The following ZMYM6 variants were observed in gnomAD, a reference collection of about 807,000 sequenced individuals.
The protein encoded by ZMYM6 is zinc finger MYM-type protein 6.
A neutral mutation model predicts 134.0 loss-of-function variants in ZMYM6; 90 were observed. That is an observed-to-expected ratio of 0.67 (90% CI 0.57 to 0.80). The LOEUF (loss-of-function observed/expected upper bound fraction) is 0.80, where lower values mean the gene tolerates loss of function less well. Ranked by LOEUF, ZMYM6 falls within the 30% of genes least tolerant of loss-of-function variation. The probability of loss-of-function intolerance (pLI) is 0.00; values close to 1 mark genes in which losing one functional copy is unlikely to be tolerated. For missense variants in ZMYM6, 1,362 were observed against 1,533.9 expected, an observed-to-expected ratio of 0.89 and a Z score of 1.87; for synonymous variants, 481 against 524.1, an observed-to-expected ratio of 0.92 and a Z score of 1.12.
At chr1:35,012,942 AAG>A (rs1191243985) in intron 6 of ZMYM6, 29 of 985,086 alleles carry the variant, frequency 2.9e-5, no homozygotes, top group Middle Eastern at 5.2e-4. Context: ...ATCAATCTAG[AAG>A]AGTCTACCAC....
In ZMYM6 at chr1:35,019,530, G is replaced by A. The variant is rs754817164; in HGVS notation, c.251C>T (p.Pro84Leu). Residue 84 changes from proline (P) to leucine (L), a missense_variant, in exon 4 of 16, where the codon CCA becomes CTA. Around this residue, in one of 3 missense-constraint regions of ZMYM6, gnomAD observed 503 missense variants for 520.8 expected, o/e 0.97. Transcript: ENST00000357182. ...SGPSVLLPSV[P>L]AVAIKVFCSG... ...ACAAAAAACCTTAATAGCAACAGCT[G>A]GAACTGAAGGAAGCAACACACTTGG... 2.5e-6 allele frequency: 4 copies of A among 1,614,008 alleles called. No individual in the cohort carries two copies. The highest frequency in any genetic ancestry group is 2.5e-6 in the Non-Finnish European group (3 of 1,180,030).
At position 35,020,118 on chromosome 1, in the gene ZMYM6, T is replaced by G. The variant is rs190239365; in HGVS notation, c.178+265A>C. On this transcript the variant is annotated intron_variant, in intron 3 of 15. Coordinates refer to ENST00000357182, the MANE Select transcript of ZMYM6 (RefSeq NM_007167.4). ...TTATAACCCAGTTCTCACATACATA[T>G]GTTTGTAAACGTGGGGATGTATGTA... 4.1e-3 allele frequency among the ~76,000 whole-genome samples: 632 copies of G among 152,300 alleles called. 2 individuals are homozygous for G. Among genetic ancestry groups the G allele is most frequent in the Non-Finnish European group, 6.9e-3 (470 of 68,018 alleles).
intron 10 of ZMYM6, 96 bp from the exon 11 acceptor site, chr1:35,009,020 T>G: frequency 8.7e-6 from 11 of 1,262,934 alleles, no homozygotes; most frequent in Non-Finnish European, 1.2e-5. Context: ...AACTTTAAGC[T>G]AATTTCTAAT....
At chr1:35,000,714 A>G (rs541240498) in intron 14 of ZMYM6, among the ~76,000 whole-genome samples, 1 of 152,304 alleles carries the variant, frequency 6.6e-6, no homozygotes, top group African/African-American at 2.4e-5. Flanking sequence ...AATATTTTCC[A>G]TTTAATATTA....
intron 2 of ZMYM6, among the ~76,000 whole-genome samples, chr1:35,029,912 C>G (rs908604666): frequency 6.6e-6 from 1 of 152,258 alleles, no homozygotes; most frequent in East Asian, 1.9e-4. Flanking sequence ...GTAATCTCTG[C>G]CTCCTCTACT....
At position 34,992,706 on chromosome 1, in the gene ZMYM6, TTATAAACTATAAAAATAAAAATATAC is replaced by T. The variant is rs1557558320; in HGVS notation, c.1993-345_1993-320del. Among the ~76,000 whole-genome samples, 1,136 of 142,122 alleles carry T rather than the reference TTATAAACTATAAAAATAAAAATATAC, an allele frequency of 8.0e-3. 124 individuals are homozygous for T. The highest frequency in any genetic ancestry group is 0.026 in the African/African-American group (977 of 37,618). The allele number at this position is 142,122 out of a possible 152,430, so 93.2% of individuals were successfully genotyped here. A position where few individuals can be genotyped will look rare whatever the true frequency, so the allele number is the denominator to read the frequency against. On this transcript the variant is annotated intron_variant, in intron 14 of 15. Coordinates refer to ENST00000357182, the MANE Select transcript of ZMYM6 (RefSeq NM_007167.4). Reference sequence around the variant, plus strand: ...TGTAAATATAAAAATAAAAATATACTTATAAACTATAAAAATAAAAATATACTTATAAACTATAAATATAAAAATAT... The same window carrying T: ...TGTAAATATAAAAATAAAAATATACTTTATAAACTATAAATATAAAAATAT...
chr1:35,005,127 C>A lies in ZMYM6; in HGVS notation c.1954+5G>T, dbSNP rs761386585. 4.3e-6 allele frequency: 7 copies of A among 1,613,726 alleles called. No individual in the cohort carries two copies. The African/African-American group carries it at 6.7e-5, about 15-fold the overall frequency. On this transcript the variant is annotated splice_donor_5th_base_variant and intron_variant, in intron 13 of 15. Coordinates refer to ENST00000357182, the MANE Select transcript of ZMYM6 (RefSeq NM_007167.4). ...TTAGCCAAATGCCATTATATCAAGT[C>A]ATACCTTTTAAAACACTGTTAGTGT... is the stretch of plus-strand genomic sequence containing the variant.
At position 35,010,955 on chromosome 1, in the gene ZMYM6, A is replaced by C. The variant is rs769950146; in HGVS notation, c.1144T>G (p.Ser382Ala). The stretch of plus-strand genomic sequence containing the variant: ...CCTCCTATTGACACTGCTGACCTGG[A>C]GGAGGGCGGGCTTACAACCACTTGG... The part of the protein sequence containing the change: ...QGQVVVSPPS[S>A]RSAVSIGGGN... The change falls in exon 9 of 16, where the codon TCC (serine) becomes GCC (alanine). Residue 382 changes from serine (S) to alanine (A), a missense_variant. Coordinates refer to ENST00000357182, the MANE Select transcript of ZMYM6 (RefSeq NM_007167.4). 14 of 1,613,022 alleles carry C rather than the reference A, an allele frequency of 8.7e-6. No homozygotes were observed. In the African/African-American group the frequency reaches 1.9e-4, roughly 22 times the overall value.
intron 3 of ZMYM6, among the ~76,000 whole-genome samples, chr1:35,020,050 A>G (rs1344301906): frequency 1.3e-5 from 2 of 151,438 alleles, no homozygotes; most frequent in African/African-American, 4.9e-5. Context: ...AGAGGTTTCA[A>G]TTTTTTTTTA....
chr1:35,006,901 T>C (rs1048600962), intron 12 of ZMYM6, 50 bp downstream of exon 12: 10 of 1,494,676 alleles, frequency 6.7e-6, no homozygotes, highest in Non-Finnish European at 8.9e-6. Context: ...TATATGCTGA[T>C]AGTGTCCTAG....
chr1:35,019,949 T>A (rs1641275011), intron 3 of ZMYM6, among the ~76,000 whole-genome samples: 2 of 152,036 alleles, frequency 1.3e-5, no homozygotes, highest in African/African-American at 4.8e-5. Context: ...AGATTACAGG[T>A]GTTAGCCACT....
chr1:35,005,745 A>T (rs1386234876), intron 12 of ZMYM6, among the ~76,000 whole-genome samples: 1 of 152,146 alleles, frequency 6.6e-6, no homozygotes, highest in African/African-American at 2.4e-5. Flanking sequence ...ACTTAACATG[A>T]CAATTTTTAT....
At chr1:35,009,669 A>C (rs1185045318) in intron 10 of ZMYM6, among the ~76,000 whole-genome samples, 1 of 152,106 alleles carries the variant, frequency 6.6e-6, no homozygotes, top group Non-Finnish European at 1.5e-5. Context: ...ACAGTCGCTC[A>C]CGCCTATAAT....
intron 2 of ZMYM6, among the ~76,000 whole-genome samples, chr1:35,027,501 C>A (rs988602322): frequency 2.0e-5 from 3 of 152,126 alleles, no homozygotes; most frequent in African/African-American, 7.2e-5. Context: ...GTAATCCCAG[C>A]ACTTTGGGAG....
chr1:35,031,334 C>T (rs1487072264), intron 1 of ZMYM6: 2 of 152,296 alleles, frequency 1.3e-5, no homozygotes, highest in East Asian at 3.8e-4. Context: ...TCACAATCGC[C>T]TTCCTGTAGA....
At chr1:34,996,380 GA>G (rs940944692) in intron 14 of ZMYM6, among the ~76,000 whole-genome samples, 7 of 150,206 alleles carry the variant, frequency 4.7e-5, no homozygotes, top group African/African-American at 1.2e-4. Context: ...TTTATCTTTT[GA>G]AAAAAAAATT....
At chr1:35,013,399 T>C in intron 6 of ZMYM6, 1 of 983,648 alleles carries the variant, frequency 1.0e-6, no homozygotes, top group Non-Finnish European at 1.2e-6. Flanking sequence ...TAGGAAAATA[T>C]AAATTGTGAG....
At chr1:35,006,914 C>A in intron 12 of ZMYM6, 37 bp downstream of exon 12, 1 of 1,583,968 alleles carries the variant, frequency 6.3e-7, no homozygotes, top group Non-Finnish European at 8.6e-7. Context: ...TGTCCTAGCA[C>A]TGACATAAAA....
intron 2 of ZMYM6, among the ~76,000 whole-genome samples, chr1:35,025,167 G>A (rs1181240761): frequency 6.7e-6 from 1 of 150,152 alleles, no homozygotes; most frequent in East Asian, 2.1e-4. Flanking sequence ...CACCACTCAT[G>A]GCCTTGATTT....
Sources: allele counts gnomAD v4.1 joint callset (sites outside exome capture counted in the v4.1 genomes callset), GRCh38; gene constraint gnomAD v4.1.1; regional missense constraint gnomAD v4.1.1; transcripts MANE v1.5; gene names NCBI Gene and HGNC (gene_info 2026-07-23, HGNC 2026-07-21).